Variants in KIDINS220 observed in about 807,000 individuals in gnomAD.
KIDINS220 encodes the protein kinase D-interacting substrate of 220 kDa.
A neutral mutation model predicts 157.6 loss-of-function variants in KIDINS220; 63 were observed. That is an observed-to-expected ratio of 0.40 (90% CI 0.33 to 0.49). The LOEUF (loss-of-function observed/expected upper bound fraction) is 0.49. Among genes scored for constraint, KIDINS220 ranks in the 20% least tolerant of loss-of-function variants. The pLI is 0.66. For synonymous variants in KIDINS220, 732 were observed against 783.6 expected (o/e 0.93, Z 1.10); for missense variants, 1,772 against 2,171.2 (o/e 0.82, Z 3.65).
chr2:8,812,524 A>G, intron 5 of KIDINS220, 31 bp from the exon 6 acceptor site: 1 of 1,290,230 alleles, frequency 7.8e-7, no homozygotes, highest in East Asian at 2.7e-5. Flanking sequence ...GTAGGTAGGT[A>G]GATAAGTAGG....
intron 8 of KIDINS220, among the ~76,000 whole-genome samples, chr2:8,802,573 G>GT (rs1572718001): frequency 1.3e-5 from 2 of 152,306 alleles, no homozygotes; most frequent in East Asian, 3.9e-4. Flanking sequence ...CTGTTTTATT[G>GT]TAAGTTTAAG....
chr2:8,802,556 A>T (rs1674866136), intron 8 of KIDINS220, among the ~76,000 whole-genome samples: 1 of 152,190 alleles, frequency 6.6e-6, no homozygotes, highest in Admixed American at 6.5e-5. Flanking sequence ...TGAAAAAAGC[A>T]AGGCATCTGT....
At chr2:8,736,744 G>T (rs1041456977) in intron 27 of KIDINS220, 124 bp downstream of exon 27, 30 of 1,038,106 alleles carry the variant, frequency 2.9e-5, no homozygotes, top group Non-Finnish European at 4.0e-5. Context: ...TTTCCATTTA[G>T]AGCTTTCCCA....
intron 6 of KIDINS220, among the ~76,000 whole-genome samples, chr2:8,808,929 T>G (rs1472227351): frequency 2.0e-5 from 3 of 152,214 alleles, no homozygotes; most frequent in African/African-American, 2.4e-5. Context: ...AACTAGTTTC[T>G]GCTATAAACA....
chr2:8,727,183 G>A, downstream of KIDINS220: 1 of 1,148,232 alleles, frequency 8.7e-7, no homozygotes, highest in Non-Finnish European at 1.1e-6. Context: ...GTCTCAGAGA[G>A]CCCACCTGAG....
chr2:8,769,145 C>T (rs1669850138), intron 22 of KIDINS220, among the ~76,000 whole-genome samples: 1 of 152,204 alleles, frequency 6.6e-6, no homozygotes, highest in Admixed American at 6.5e-5. Flanking sequence ...CCCCACCTAA[C>T]ACCTCTGCAC....
chr2:8,826,790 G>A, intron 2 of KIDINS220, 196 bp downstream of exon 2: 1 of 340,988 alleles, frequency 2.9e-6, no homozygotes, highest in East Asian at 4.5e-5. Context: ...AAATTCAACA[G>A]TCATTTATAT....
At chr2:8,824,143 C>T (rs533661937) in intron 2 of KIDINS220, among the ~76,000 whole-genome samples, 3 of 151,958 alleles carry the variant, frequency 2.0e-5, no homozygotes, top group Admixed American at 6.6e-5. Context: ...ACAGCTGCTA[C>T]GCAAGTTAAA....
Position 8,779,664 on chromosome 2 carries a change from G to A in KIDINS220, c.2370+10C>T, listed in dbSNP as rs777540066. On this transcript the variant is annotated intron_variant, in intron 18 of 29. Coordinates refer to ENST00000256707, the MANE Select transcript of KIDINS220 (RefSeq NM_020738.4). ...TAACAATGGTGGCTTTTGAGGTGGC[G>A]CAAACGTACAGTGTCCAGCATCTGA... The A allele has an allele frequency of 6.8e-6, 11 of 1,606,366 alleles. No individual in the cohort carries two copies. In the East Asian group the frequency reaches 1.3e-4, roughly 20 times the overall value.
chr2:8,760,872 T>C (rs945790411), intron 22 of KIDINS220, among the ~76,000 whole-genome samples: 1 of 152,102 alleles, frequency 6.6e-6, no homozygotes, highest in African/African-American at 2.4e-5. Flanking sequence ...TATTACTGCA[T>C]GATATTTACC....
chr2:8,771,908 G>A (rs1670288757), intron 21 of KIDINS220, among the ~76,000 whole-genome samples: 1 of 151,902 alleles, frequency 6.6e-6, no homozygotes, highest in South Asian at 2.1e-4. Context: ...AAGAGAAAAT[G>A]AGCACCAAAT....
chr2:8,746,809 A>T, intron 26 of KIDINS220: 1 of 230,964 alleles, frequency 4.3e-6, no homozygotes, highest in Non-Finnish European at 8.4e-6. Context: ...AAACAGTCAA[A>T]GGCAAAGCTA....
intron 26 of KIDINS220, among the ~76,000 whole-genome samples, chr2:8,742,869 G>A (rs1038947745): frequency 2.6e-5 from 4 of 152,134 alleles, no homozygotes; most frequent in African/African-American, 9.7e-5. Context: ...ATAATTCAGG[G>A]AAAAATGAAA....
chr2:8,770,909 C>G (rs571635164), intron 21 of KIDINS220, 77 bp from the exon 22 acceptor site: 1 of 805,692 alleles, frequency 1.2e-6, no homozygotes, highest in African/African-American at 1.8e-5. Context: ...AGTATATTCA[C>G]AAATATTTTA....
At chr2:8,753,161 G>T (rs184894291) in intron 22 of KIDINS220, among the ~76,000 whole-genome samples, 4 of 151,928 alleles carry the variant, frequency 2.6e-5, no homozygotes, top group African/African-American at 9.7e-5. Flanking sequence ...CAAATCAAAT[G>T]TCCACTAACA....
chr2:8,729,857 G>A lies in KIDINS220; in HGVS notation c.*863C>T. 4 of 984,062 alleles carry A rather than the reference G, an allele frequency of 4.1e-6. No individual in the cohort carries two copies. The highest frequency in any genetic ancestry group is 4.8e-6 in the Non-Finnish European group (4 of 828,858). The allele number at this position is 984,062 out of a possible 1,614,324, so 61.0% of individuals were successfully genotyped here. On this transcript the variant is annotated 3_prime_UTR_variant, in exon 30 of 30. Transcript: ENST00000256707. The stretch of plus-strand genomic sequence containing the variant: ...TTTATTAGTACCTATTATTACCCAT[G>A]TCTCCCTGATTTTCCAGAAAAAGAA...
At chr2:8,740,461 G>A (rs987859229) in intron 26 of KIDINS220, among the ~76,000 whole-genome samples, 1 of 152,064 alleles carries the variant, frequency 6.6e-6, no homozygotes, top group African/African-American at 2.4e-5. Flanking sequence ...AATAAATCAT[G>A]AGCCATACAT....
rs1664438283 is a variant in KIDINS220 at position 8,733,563 on chromosome 2, C to T, written c.3934G>A (p.Glu1312Lys). 6 of 1,614,054 alleles carry T rather than the reference C, an allele frequency of 3.7e-6. No individual in the cohort carries two copies. The highest frequency in any genetic ancestry group is 3.4e-6 in the Non-Finnish European group (4 of 1,180,016). ...CTGGAGAGCTCGGTGTGAGGCAGCT[C>T]GTTGTGGGAAGCGCGGCGAGCAGGC... ...GEPARRASHN[E>K]LPHTELSSQT... The change falls in exon 29 of 30, where the codon GAG (glutamate) becomes AAG (lysine). Residue 1312 changes from glutamate (E) to lysine (K), a missense_variant. By Grantham distance (56) the Glu-to-Lys change is moderately conservative. Transcript: ENST00000256707.
chr2:8,739,735 C>T (rs961694455), intron 26 of KIDINS220, among the ~76,000 whole-genome samples: 28 of 152,082 alleles, frequency 1.8e-4, no homozygotes, highest in Non-Finnish European at 7.4e-5. Context: ...ACCATTTTAG[C>T]GTATTGATTT....
Sources: gnomAD v4.1 joint callset for allele counts (sites outside exome capture counted in the v4.1 genomes callset) on GRCh38, gnomAD v4.1.1 for gene constraint, MANE v1.5 for transcripts, NCBI Gene and HGNC (gene_info 2026-07-23, HGNC 2026-07-21) for gene names.